Variants in CCDC178 observed in about 807,000 individuals in gnomAD.
CCDC178 encodes the protein coiled-coil domain-containing protein 178.
CCDC178 carries 126 observed loss-of-function variants against 117.4 expected under a neutral mutation model. The ratio of observed to expected loss-of-function variants is 1.07; its 90% CI spans 0.93 to 1.24. The LOEUF (loss-of-function observed/expected upper bound fraction) is 1.24. Ranked by LOEUF, CCDC178 falls within the 50% of genes most tolerant of loss-of-function variation. CCDC178 has a pLI of 0.00. For missense variants in CCDC178, 1,030 were observed against 986.9 expected (o/e 1.04, Z -0.59); for synonymous variants, 283 against 313.4 (o/e 0.90, Z 1.02).
At chr18:32,959,299 C>T (rs1329715028) in intron 22 of CCDC178, among the ~76,000 whole-genome samples, 1 of 151,988 alleles carries the variant, frequency 6.6e-6, no homozygotes, top group African/African-American at 2.4e-5. Flanking sequence ...AATGAAAATC[C>T]AAAGGTTAAG....
intron 2 of CCDC178, among the ~76,000 whole-genome samples, chr18:33,416,072 G>A (rs912013533): frequency 4.6e-5 from 7 of 152,170 alleles, no homozygotes; most frequent in African/African-American, 7.2e-5. Context: ...GGAAAGGGGC[G>A]GCTTAGTAAG....
In CCDC178 at chr18:33,014,391, T is replaced by C. The variant is rs928491452; in HGVS notation, c.2389-39710A>G. Among the ~76,000 whole-genome samples the C allele has an allele frequency of 5.9e-5, 9 of 152,160 alleles. No homozygotes were observed. In the East Asian group the frequency reaches 9.6e-4, roughly 16 times the overall value. ...CAGTTTCCTGAAGAAGTGACACCTA[T>C]TGGGGCTAGCAAGAGGCTAACTGAA... is the stretch of plus-strand genomic sequence containing the variant. On this transcript the variant is annotated intron_variant, in intron 21 of 22. Coordinates refer to ENST00000383096, the MANE Select transcript of CCDC178 (RefSeq NM_001105528.4).
At position 33,203,111 on chromosome 18, in the gene CCDC178, T is replaced by G. The variant is rs144934607; in HGVS notation, c.2238+8785A>C. On this transcript the variant is annotated intron_variant, in intron 20 of 22. Coordinates refer to ENST00000383096, the MANE Select transcript of CCDC178 (RefSeq NM_001105528.4). Reference sequence around the variant, plus strand: ...AGCATAATTTCCTCTTTTCCTATATTAAGGTATATCATTGTTGTATTAATT... The same window carrying G: ...AGCATAATTTCCTCTTTTCCTATATGAAGGTATATCATTGTTGTATTAATT... Among the ~76,000 whole-genome samples the G allele has an allele frequency of 6.5e-3, 997 of 152,272 alleles. 6 individuals carry two copies. The highest frequency in any genetic ancestry group is 0.015 in the South Asian group (71 of 4,820).
At chr18:33,415,737 T>C (rs2063931267) in intron 2 of CCDC178, among the ~76,000 whole-genome samples, 1 of 152,008 alleles carries the variant, frequency 6.6e-6, no homozygotes, top group South Asian at 2.1e-4. Flanking sequence ...AAAGCAAGCA[T>C]AAATTCAACA....
At chr18:32,957,388 T>C (rs2054616731) in intron 22 of CCDC178, among the ~76,000 whole-genome samples, 1 of 152,202 alleles carries the variant, frequency 6.6e-6, no homozygotes, top group South Asian at 2.1e-4. Flanking sequence ...AATGGTGTGA[T>C]GTTAACATAG....
chr18:33,232,053 T>A (rs1394183986), intron 15 of CCDC178, among the ~76,000 whole-genome samples: 1 of 152,158 alleles, frequency 6.6e-6, no homozygotes, highest in Non-Finnish European at 1.5e-5. Context: ...ACGACTCAAT[T>A]CTGGTTTTGG....
chr18:33,309,000 A>C (rs990995086), intron 11 of CCDC178, among the ~76,000 whole-genome samples: 2 of 152,220 alleles, frequency 1.3e-5, no homozygotes, highest in African/African-American at 4.8e-5. Context: ...TTTGATAAAT[A>C]AAAATGGTTT....
At chr18:32,988,109 TAATAATAATAA>T (rs1177651950) in intron 21 of CCDC178, among the ~76,000 whole-genome samples, 3 of 140,496 alleles carry the variant, frequency 2.1e-5, no homozygotes, top group African/African-American at 8.3e-5. Flanking sequence ...ATAATAATAA[TAATAATAATAA>T]ATTTATCAAA....
chr18:33,293,192 T>A lies in CCDC178; in HGVS notation c.1143A>T (p.Ser381=), dbSNP rs914512793. 6.3e-7 allele frequency: 1 copy of A among 1,588,604 alleles called. No homozygotes were observed. Among genetic ancestry groups the A allele is most frequent in the African/African-American group, 1.4e-5 (1 of 74,066 alleles). ...ATAGAGAATGTAATTCATTTTTTGA[T>A]GACTTTGTTTCCCTTATTGCTTCAG... The part of the protein sequence containing the change: ...EVTEAIRETK[S]SKNELHSLSK... The change falls in exon 12 of 23, where the codon TCA becomes TCT. Residue 381 remains serine (S), a synonymous_variant. Coordinates refer to ENST00000383096, the MANE Select transcript of CCDC178 (RefSeq NM_001105528.4).
chr18:32,957,259 AATC>A (rs2090128959), intron 22 of CCDC178, among the ~76,000 whole-genome samples: 1 of 152,206 alleles, frequency 6.6e-6, no homozygotes, highest in Non-Finnish European at 1.5e-5. Flanking sequence ...ATTTGCTAGA[AATC>A]ATATGTTTAA....
intron 21 of CCDC178, among the ~76,000 whole-genome samples, chr18:33,083,492 A>G (rs546531094): frequency 6.6e-6 from 1 of 152,350 alleles, no homozygotes; most frequent in African/African-American, 2.4e-5. Flanking sequence ...TCATTGTAAG[A>G]TATTATGCTA....
At chr18:33,401,498 T>C (rs1032618148) in intron 3 of CCDC178, among the ~76,000 whole-genome samples, 3 of 152,170 alleles carry the variant, frequency 2.0e-5, no homozygotes, top group Non-Finnish European at 4.4e-5. Flanking sequence ...AACTGTATTG[T>C]TATACAATAT....
chr18:33,376,417 A>G (rs1488942850), intron 5 of CCDC178, among the ~76,000 whole-genome samples: 2 of 152,042 alleles, frequency 1.3e-5, no homozygotes, highest in African/African-American at 4.8e-5. Context: ...TCTGTCCCCA[A>G]TCTGTTTGGA....
At chr18:33,412,720 A>G (rs568869421) in intron 2 of CCDC178, among the ~76,000 whole-genome samples, 2 of 152,296 alleles carry the variant, frequency 1.3e-5, no homozygotes, top group Admixed American at 1.3e-4. Context: ...TAGCCATAAT[A>G]CCAATAATGT....
chr18:32,939,447 A>G (rs1005483056), intron 22 of CCDC178, among the ~76,000 whole-genome samples: 2 of 152,192 alleles, frequency 1.3e-5, no homozygotes, highest in African/African-American at 4.8e-5. Flanking sequence ...GTTATATAAG[A>G]AGTCCTATGA....
intron 22 of CCDC178, among the ~76,000 whole-genome samples, chr18:32,959,501 C>A (rs2054663660): frequency 6.6e-6 from 1 of 152,040 alleles, no homozygotes. Context: ...TCATAATTTT[C>A]TCTTTGTCTA....
chr18:33,099,405 G>A (rs1329829440), intron 20 of CCDC178, among the ~76,000 whole-genome samples: 2 of 151,886 alleles, frequency 1.3e-5, no homozygotes, highest in Admixed American at 6.6e-5. Flanking sequence ...TTTGCATACC[G>A]TGAGGCTTTG....
At chr18:33,291,763 G>C (rs2060168323) in intron 12 of CCDC178, among the ~76,000 whole-genome samples, 1 of 152,046 alleles carries the variant, frequency 6.6e-6, no homozygotes, top group South Asian at 2.1e-4. Flanking sequence ...AAACAGCCAG[G>C]GAATGCGGCA....
chr18:33,049,711 A>T (rs1316963204), intron 21 of CCDC178, among the ~76,000 whole-genome samples: 1 of 152,200 alleles, frequency 6.6e-6, no homozygotes, highest in Non-Finnish European at 1.5e-5. Flanking sequence ...TTGCTAATCA[A>T]CAGTAACAGA....
Sources: allele counts gnomAD v4.1 joint callset (sites outside exome capture counted in the v4.1 genomes callset), GRCh38; gene constraint gnomAD v4.1.1; transcripts MANE v1.5; gene names NCBI Gene and HGNC (gene_info 2026-07-23, HGNC 2026-07-21).